Variants in SLC25A51 observed in about 807,000 individuals in gnomAD.
The protein encoded by SLC25A51 is solute carrier family 25 member 51.
In SLC25A51, 11 loss-of-function variants were observed where a neutral mutation model predicts 19.1. The ratio of observed to expected loss-of-function variants is 0.58; its 90% CI spans 0.36 to 0.96. The LOEUF (loss-of-function observed/expected upper bound fraction) is 0.96. Among genes scored for constraint, SLC25A51 ranks in the 40% least tolerant of loss-of-function variants. The pLI is 0.01. For missense variants in SLC25A51, 201 were observed against 365.4 expected (o/e 0.55, Z 3.67); for synonymous variants, 105 against 133.6 (o/e 0.79, Z 1.47).
rs1554693907 is a variant in SLC25A51, at chr9:37,891,865, AT to A, written c.-42-3274del. Among the ~76,000 whole-genome samples the A allele has an allele frequency of 4.4e-3, 588 of 132,830 alleles. 7 individuals are homozygous for A. Among genetic ancestry groups the A allele is most frequent in the African/African-American group, 0.016 (566 of 35,932 alleles). The allele number at this position is 132,830 out of a possible 152,430, so 87.1% of individuals were successfully genotyped here. On this transcript the variant is annotated intron_variant, in intron 2 of 2. Coordinates refer to ENST00000242275, the MANE Select transcript of SLC25A51 (RefSeq NM_033412.4). ...AAGAATGATAAAAAAAAAAAAAAAA[AT>A]TTTATATATATATATATACACACAA...
intron 2 of SLC25A51, among the ~76,000 whole-genome samples, chr9:37,896,303 T>C (rs1233662033): frequency 6.6e-6 from 1 of 152,092 alleles, no homozygotes; most frequent in Non-Finnish European, 1.5e-5. Context: ...ATTTCTTCTC[T>C]AGTACTAACC....
At chr9:37,892,700 A>G (rs1831620824) in intron 2 of SLC25A51, among the ~76,000 whole-genome samples, 1 of 151,314 alleles carries the variant, frequency 6.6e-6, no homozygotes, top group Admixed American at 6.6e-5. Context: ...CAGCCCTCTG[A>G]GTACCTGGGA....
intron 2 of SLC25A51, among the ~76,000 whole-genome samples, chr9:37,898,469 T>C (rs1004238995): frequency 6.6e-6 from 1 of 151,922 alleles, no homozygotes; most frequent in Admixed American, 6.6e-5. Context: ...GCAGGAGAAT[T>C]GCTTGAACCT....
intron 2 of SLC25A51, among the ~76,000 whole-genome samples, chr9:37,889,181 A>G (rs1564067620): frequency 6.6e-6 from 1 of 152,182 alleles, no homozygotes; most frequent in Non-Finnish European, 1.5e-5. Context: ...TGACTACACT[A>G]TATACGGTAT....
At chr9:37,901,012 C>T (rs922468622) in intron 1 of SLC25A51, among the ~76,000 whole-genome samples, 3 of 151,966 alleles carry the variant, frequency 2.0e-5, no homozygotes, top group East Asian at 3.9e-4. Context: ...ACCACAGGCC[C>T]GCACCACCAA....
intron 2 of SLC25A51, among the ~76,000 whole-genome samples, chr9:37,890,693 T>C (rs1290461098): frequency 6.8e-6 from 1 of 146,524 alleles, no homozygotes; most frequent in Non-Finnish European, 1.5e-5. Context: ...AATACCCTGC[T>C]TTAAAAAAAA....
chr9:37,884,930 C>T (rs549346998), downstream of SLC25A51, among the ~76,000 whole-genome samples: 44 of 152,330 alleles, frequency 2.9e-4, no homozygotes, highest in Non-Finnish European at 5.0e-4. Flanking sequence ...CAGGAACTTT[C>T]ATAGCTCCTT....
At chr9:37,899,706 G>A (rs1831800184) in intron 2 of SLC25A51, 123 bp downstream of exon 2, 1 of 152,150 alleles carries the variant, frequency 6.6e-6, no homozygotes. Flanking sequence ...AAGTGCCAGT[G>A]TCAATGTTCC....
chr9:37,877,806 G>T (rs1831281348), downstream of SLC25A51, among the ~76,000 whole-genome samples: 1 of 152,086 alleles, frequency 6.6e-6, no homozygotes. Flanking sequence ...TCAGAAGTTT[G>T]AGACCAGCCT....
intron 2 of SLC25A51, among the ~76,000 whole-genome samples, chr9:37,895,048 CTT>C (rs1056545354): frequency 6.6e-6 from 1 of 152,126 alleles, no homozygotes; most frequent in African/African-American, 2.4e-5. Flanking sequence ...GATTCCATGT[CTT>C]TGCTACTGTG....
In SLC25A51 at chr9:37,888,219, T is replaced by C. The variant is rs201618001; in HGVS notation, c.332A>G (p.Lys111Arg). The C allele has an allele frequency of 1.9e-5, 30 of 1,614,040 alleles. No homozygotes were observed. Among genetic ancestry groups the C allele is most frequent in the Non-Finnish European group, 1.8e-5 (21 of 1,180,028 alleles). ...TGCAAACTCTGGAGCACTGACATGC[T>C]TGTGGAGAAGGCAGGATAAATCCTC... The part of the protein sequence containing the change: ...LYEDLSCLLH[K>R]HVSAPEFATS... The change falls in exon 3 of 3, where the codon AAG becomes AGG. Residue 111 changes from lysine to arginine, a missense_variant. Physicochemically the swap from Lys to Arg is conservative, Grantham distance 26. Transcript: ENST00000242275.
intron 2 of SLC25A51, among the ~76,000 whole-genome samples, chr9:37,896,237 C>A (rs1054826534): frequency 4.6e-5 from 7 of 152,128 alleles, no homozygotes; most frequent in African/African-American, 1.7e-4. Flanking sequence ...AATCTAAATA[C>A]CCACGGGCGT....
chr9:37,902,602 A>C (rs973626807), intron 1 of SLC25A51, among the ~76,000 whole-genome samples: 1 of 152,240 alleles, frequency 6.6e-6, no homozygotes, highest in Non-Finnish European at 1.5e-5. Context: ...ACATGGTTAA[A>C]TTTCTTTGCT....
chr9:37,887,244 G>C (rs1457114632), downstream of SLC25A51, among the ~76,000 whole-genome samples: 1 of 151,798 alleles, frequency 6.6e-6, no homozygotes, highest in East Asian at 1.9e-4. Context: ...TTGAACCCTG[G>C]AGGCGGAGGT....
chr9:37,902,517 A>G (rs1246520628), intron 1 of SLC25A51, among the ~76,000 whole-genome samples: 2 of 152,236 alleles, frequency 1.3e-5, no homozygotes, highest in African/African-American at 4.8e-5. Flanking sequence ...TTCTTAATTT[A>G]GCAATAGAAG....
downstream of SLC25A51, among the ~76,000 whole-genome samples, chr9:37,877,875 G>A (rs954172801): frequency 1.9e-4 from 29 of 152,154 alleles, no homozygotes; most frequent in Non-Finnish European, 4.0e-4. Flanking sequence ...GGGAATGGTG[G>A]CACACACCTG....
chr9:37,882,880 G>C (rs941066405), downstream of SLC25A51, among the ~76,000 whole-genome samples: 3 of 151,990 alleles, frequency 2.0e-5, no homozygotes, highest in South Asian at 2.1e-4. Context: ...GTTTCACTCT[G>C]TTGCCCAGGC....
At chr9:37,900,427 C>T (rs1036740779) in intron 1 of SLC25A51, among the ~76,000 whole-genome samples, 8 of 149,794 alleles carry the variant, frequency 5.3e-5, no homozygotes, top group African/African-American at 9.9e-5. Context: ...CCAGCCTGGG[C>T]GACACAGCAA....
chr9:37,886,560 C>T (rs1564066280), downstream of SLC25A51, among the ~76,000 whole-genome samples: 1 of 152,172 alleles, frequency 6.6e-6, no homozygotes, highest in South Asian at 2.1e-4. Flanking sequence ...AGGCACCCTA[C>T]AGGAAGGCCT....
Sources: gnomAD v4.1 joint callset for allele counts (sites outside exome capture counted in the v4.1 genomes callset) on GRCh38, gnomAD v4.1.1 for gene constraint, MANE v1.5 for transcripts, NCBI Gene and HGNC (gene_info 2026-07-23, HGNC 2026-07-21) for gene names.